IMMP1L: variants seen among roughly 807,000 people sequenced by gnomAD.
The protein encoded by IMMP1L is mitochondrial inner membrane protease subunit 1.
Under a neutral mutation model 21.8 loss-of-function variants are expected in IMMP1L, and 24 were observed. The observed-to-expected ratio is 1.10, with a 90% CI of 0.80 to 1.55. IMMP1L has a LOEUF of 1.55. IMMP1L is among the 40% of genes most tolerant of loss of function. The pLI is 0.00. For synonymous variants in IMMP1L, 46 were observed against 62.8 expected (o/e 0.73, Z 1.26); for missense variants, 195 against 200.7 (o/e 0.97, Z 0.17).
intron 4 of IMMP1L, among the ~76,000 whole-genome samples, chr11:31,440,380 C>T (rs974126097): frequency 6.6e-6 from 1 of 152,052 alleles, no homozygotes; most frequent in Non-Finnish European, 1.5e-5. Context: ...GTTCAAATTA[C>T]ATAATTTAAA....
chr11:31,437,945 T>A (rs1321837101), intron 4 of IMMP1L, among the ~76,000 whole-genome samples: 2 of 152,190 alleles, frequency 1.3e-5, no homozygotes, highest in African/African-American at 2.4e-5. Flanking sequence ...TTCTGAGAAG[T>A]ATTCCACTGT....
intron 3 of IMMP1L, among the ~76,000 whole-genome samples, chr11:31,456,950 A>AAAATAG (rs1564979955): frequency 1.5e-5 from 2 of 136,580 alleles, no homozygotes; most frequent in Admixed American, 7.8e-5. Context: ...AAGTGAACCA[A>AAAATAG]AAAAAGAAAA....
At chr11:31,493,930 C>A (rs1223104) in intron 1 of IMMP1L, among the ~76,000 whole-genome samples, 2 of 152,182 alleles carry the variant, frequency 1.3e-5, no homozygotes, top group African/African-American at 4.8e-5. Context: ...TGGGCAACTC[C>A]GCCTCTACGG....
At chr11:31,448,710 T>C (rs907561451) in intron 4 of IMMP1L, among the ~76,000 whole-genome samples, 2 of 152,168 alleles carry the variant, frequency 1.3e-5, no homozygotes, top group African/African-American at 4.8e-5. Flanking sequence ...AACATATACA[T>C]ATAAAATATA....
intron 1 of IMMP1L, among the ~76,000 whole-genome samples, chr11:31,473,980 A>T (rs1397225918): frequency 6.6e-6 from 1 of 152,218 alleles, no homozygotes; most frequent in Non-Finnish European, 1.5e-5. Flanking sequence ...TTGTTCCGAT[A>T]GAGGAACAGA....
At chr11:31,445,187 G>A (rs1166618770) in intron 4 of IMMP1L, among the ~76,000 whole-genome samples, 1 of 152,170 alleles carries the variant, frequency 6.6e-6, no homozygotes, top group East Asian at 1.9e-4. Flanking sequence ...GTAGAAAATG[G>A]TGTTAAGTAT....
intron 4 of IMMP1L, among the ~76,000 whole-genome samples, chr11:31,450,406 A>G (rs556107800): frequency 4.7e-5 from 6 of 126,454 alleles, no homozygotes; most frequent in African/African-American, 2.4e-4. Context: ...TAGGAGACTT[A>G]ATCTTAACTA....
At chr11:31,455,128 C>T (rs1343057375) in intron 4 of IMMP1L, among the ~76,000 whole-genome samples, 3 of 152,048 alleles carry the variant, frequency 2.0e-5, no homozygotes, top group African/African-American at 7.2e-5. Flanking sequence ...CAGTCTATTA[C>T]AAAATGGTAA....
rs762319217 is a variant in IMMP1L at position 31,432,502 on chromosome 11, A to T, written c.499T>A (p.Ter167LysextTer1). 22 of 1,607,474 alleles carry T rather than the reference A, an allele frequency of 1.4e-5. No individual in the cohort carries two copies. Among genetic ancestry groups the T allele is most frequent in the African/African-American group, 2.7e-5 (2 of 74,800 alleles). ...SPNGHRFSDD[*>K] ...CAAGTCAAAAGAATAAATGCTTACT[A>T]ATCATCAGAAAATCTGTGGCCATTA... Residue 167 changes from the stop codon to lysine, a stop_lost, in exon 6 of 6, where the codon TAG (stop) becomes AAG (lysine). Transcript: ENST00000532287.
At chr11:31,446,703 A>T (rs1164404992) in intron 4 of IMMP1L, among the ~76,000 whole-genome samples, 3 of 151,946 alleles carry the variant, frequency 2.0e-5, no homozygotes, top group Non-Finnish European at 4.4e-5. Flanking sequence ...TCTTTGACTA[A>T]CTCCTACTTA....
At chr11:31,466,169 C>G (rs1272115723) in intron 1 of IMMP1L, among the ~76,000 whole-genome samples, 1 of 152,028 alleles carries the variant, frequency 6.6e-6, no homozygotes, top group Non-Finnish European at 1.5e-5. Flanking sequence ...TGCTCAACAT[C>G]ACTAATCTTC....
intron 1 of IMMP1L, among the ~76,000 whole-genome samples, chr11:31,495,779 CTT>C (rs1955411704): frequency 6.6e-6 from 1 of 152,082 alleles, no homozygotes; most frequent in African/African-American, 2.4e-5. Context: ...AAAAGGCAGT[CTT>C]TTCAACACAT....
At chr11:31,491,884 A>G (rs918184961) in intron 1 of IMMP1L, among the ~76,000 whole-genome samples, 1 of 152,196 alleles carries the variant, frequency 6.6e-6, no homozygotes, top group African/African-American at 2.4e-5. Flanking sequence ...CACATTTTAA[A>G]ATATTCAGTA....
chr11:31,481,973 A>G lies in IMMP1L; in HGVS notation c.-29-18668T>C, dbSNP rs368356588. ...TGCTTAAAATATTAAAAATCATAAC[A>G]TTTATCTCTTCATCCCCAAATTCCT... On this transcript the variant is annotated intron_variant, in intron 1 of 5. Coordinates refer to ENST00000532287, the MANE Select transcript of IMMP1L (RefSeq NM_001304274.2). 1.9e-4 allele frequency among the ~76,000 whole-genome samples: 29 copies of G among 152,184 alleles called. No individual in the cohort carries two copies. The East Asian group carries it at 5.4e-3, about 28-fold the overall frequency.
chr11:31,468,541 T>C (rs567056264), intron 1 of IMMP1L, among the ~76,000 whole-genome samples: 1 of 152,158 alleles, frequency 6.6e-6, no homozygotes, highest in South Asian at 2.1e-4. Flanking sequence ...ATAAAACTTC[T>C]AAAAAACAAA....
chr11:31,500,158 T>C (rs564585795), intron 1 of IMMP1L, among the ~76,000 whole-genome samples: 9 of 151,980 alleles, frequency 5.9e-5, no homozygotes, highest in African/African-American at 2.2e-4. Flanking sequence ...AGAAAATTGG[T>C]CAGTCTTTTT....
At chr11:31,432,744 G>C (rs1392808742) in intron 5 of IMMP1L, among the ~76,000 whole-genome samples, 176 bp from the exon 6 acceptor site, 2 of 152,168 alleles carry the variant, frequency 1.3e-5, no homozygotes, top group African/African-American at 4.8e-5. Flanking sequence ...AAACTTATGT[G>C]TATATATGTT....
chr11:31,484,705 T>G (rs1397536561), intron 1 of IMMP1L, among the ~76,000 whole-genome samples: 1 of 151,874 alleles, frequency 6.6e-6, no homozygotes, highest in Non-Finnish European at 1.5e-5. Flanking sequence ...CCACAGGAGT[T>G]GCATCATTTT....
In IMMP1L at chr11:31,503,246, A is replaced by G. The variant is rs1387782995; in HGVS notation, c.-30+6273T>C. Among the ~76,000 whole-genome samples the G allele has an allele frequency of 5.3e-5, 8 of 152,220 alleles. No homozygotes were observed. The South Asian group carries it at 1.4e-3, about 28-fold the overall frequency. On this transcript the variant is annotated intron_variant, in intron 1 of 5. Coordinates refer to ENST00000532287, the MANE Select transcript of IMMP1L (RefSeq NM_001304274.2). ...ATAAATGATGAAAACATAAAATGCC[A>G]TAAGTTATAGGAGCAGCTAGTGCAC...
Sources: allele counts gnomAD v4.1 joint callset (sites outside exome capture counted in the v4.1 genomes callset), GRCh38; gene constraint gnomAD v4.1.1; transcripts MANE v1.5; gene names NCBI Gene and HGNC (gene_info 2026-07-23, HGNC 2026-07-21).